Variants in TMEM38B observed in about 807,000 individuals in gnomAD.
TMEM38B encodes trimeric intracellular cation channel type B.
In TMEM38B, 24 loss-of-function variants were observed where a neutral mutation model predicts 28.7. The ratio of observed to expected loss-of-function variants is 0.84; its 90% CI spans 0.61 to 1.18. The LOEUF is 1.18. Ranked by LOEUF, TMEM38B falls within the 50% of genes most tolerant of loss-of-function variation. The pLI, the probability that TMEM38B is intolerant of heterozygous loss-of-function variation, is 0.00. For synonymous variants in TMEM38B, 131 were observed against 127.7 expected, an observed-to-expected ratio of 1.03 and a Z score of -0.17; for missense variants, 380 against 350.9, an observed-to-expected ratio of 1.08 and a Z score of -0.66.
intron 5 of TMEM38B, among the ~76,000 whole-genome samples, chr9:105,766,053 G>A (rs570667452): frequency 1.6e-4 from 25 of 152,152 alleles, no homozygotes; most frequent in South Asian, 1.5e-3. Context: ...CGCCTGCCTC[G>A]GCCTCCCAGT....
intron 4 of TMEM38B, among the ~76,000 whole-genome samples, chr9:105,731,373 G>A (rs1451546128): frequency 1.3e-5 from 2 of 151,826 alleles, no homozygotes; most frequent in Non-Finnish European, 2.9e-5. Flanking sequence ...TGTTACATAT[G>A]TATACATGTG....
chr9:105,719,526 TTG>T (rs1836244888), intron 2 of TMEM38B, among the ~76,000 whole-genome samples: 1 of 152,212 alleles, frequency 6.6e-6, no homozygotes, highest in African/African-American at 2.4e-5. Context: ...ATATGTTTAC[TTG>T]TAAGTCTACT....
intron 5 of TMEM38B, chr9:105,760,103 G>T: frequency 1.1e-6 from 1 of 917,414 alleles, no homozygotes; most frequent in Non-Finnish European, 1.8e-6. Flanking sequence ...CATTTAGAGA[G>T]GGTTGCCATC....
At chr9:105,769,785 T>G (rs1197936609) in intron 5 of TMEM38B, among the ~76,000 whole-genome samples, 1 of 152,234 alleles carries the variant, frequency 6.6e-6, no homozygotes, top group Non-Finnish European at 1.5e-5. Flanking sequence ...GTTTATTGTT[T>G]ATTGCAATTT....
chr9:105,694,814 C>A, intron 1 of TMEM38B, 42 bp downstream of exon 1: 1 of 876,686 alleles, frequency 1.1e-6, no homozygotes, highest in Non-Finnish European at 1.6e-6. Flanking sequence ...CAGAGTGCTC[C>A]TGACGGCGAG....
chr9:105,754,507 A>G, intron 5 of TMEM38B, among the ~76,000 whole-genome samples: 1 of 152,354 alleles, frequency 6.6e-6, no homozygotes, highest in East Asian at 1.9e-4. Flanking sequence ...TGGAAATTGA[A>G]CAACCTGCTC....
chr9:105,731,552 T>C lies in TMEM38B; in HGVS notation c.542+8931T>C, dbSNP rs574762120. On this transcript the variant is annotated intron_variant, in intron 4 of 5. Transcript: ENST00000374692. ...ACTTCCACTTATGAGTGAGAACATG[T>C]AGTGTTTGGTTTTCTGTCCTTGTGA... 3.1e-4 allele frequency among the ~76,000 whole-genome samples: 47 copies of C among 152,198 alleles called. No homozygotes were observed. In the East Asian group the frequency reaches 8.0e-3, roughly 26 times the overall value.
chr9:105,705,272 G>C (rs1396068339), intron 1 of TMEM38B, among the ~76,000 whole-genome samples: 2 of 152,106 alleles, frequency 1.3e-5, no homozygotes. Context: ...AGTGCTTACT[G>C]TAGGGTTTGG....
intron 5 of TMEM38B, among the ~76,000 whole-genome samples, chr9:105,764,160 G>A (rs1838171767): frequency 1.3e-5 from 2 of 150,934 alleles, no homozygotes; most frequent in African/African-American, 2.4e-5. Flanking sequence ...CATTCCCTTT[G>A]AAAACTGGCA....
At chr9:105,773,293 A>G (rs1254967042) in intron 5 of TMEM38B, among the ~76,000 whole-genome samples, 1 of 152,142 alleles carries the variant, frequency 6.6e-6, no homozygotes, top group African/African-American at 2.4e-5. Flanking sequence ...GGGACATTCT[A>G]CAATCTGTTG....
intron 5 of TMEM38B, among the ~76,000 whole-genome samples, chr9:105,763,701 A>G (rs190860358): frequency 0.012 from 1,790 of 152,316 alleles, 18 homozygotes; most frequent in Non-Finnish European, 0.021. Context: ...AATCAATAGA[A>G]AAAGAGGGAA....
At chr9:105,722,678 T>C (rs1588416835) in intron 4 of TMEM38B, 57 bp downstream of exon 4, 1 of 1,440,434 alleles carries the variant, frequency 6.9e-7, no homozygotes, top group East Asian at 2.3e-5. Context: ...TCTTACCAAA[T>C]TCCTTTTTAA....
At chr9:105,737,753 T>G (rs765453847) in intron 4 of TMEM38B, among the ~76,000 whole-genome samples, 11 of 152,102 alleles carry the variant, frequency 7.2e-5, no homozygotes, top group Non-Finnish European at 1.6e-4. Flanking sequence ...AGTGCACAGG[T>G]TCCCTGGGAA....
At chr9:105,722,754 G>GAAGA in intron 4 of TMEM38B, 133 bp downstream of exon 4, 1 of 623,682 alleles carries the variant, frequency 1.6e-6, no homozygotes, top group East Asian at 3.0e-5. Flanking sequence ...ATGATAATGG[G>GAAGA]AAGAGAACTA....
intron 5 of TMEM38B, among the ~76,000 whole-genome samples, chr9:105,765,353 C>G (rs1826335168): frequency 6.6e-6 from 1 of 152,130 alleles, no homozygotes; most frequent in Non-Finnish European, 1.5e-5. Flanking sequence ...GCATATTAAA[C>G]TATATTCATG....
At chr9:105,762,449 T>A (rs1838092893) in intron 5 of TMEM38B, among the ~76,000 whole-genome samples, 1 of 133,800 alleles carries the variant, frequency 7.5e-6, no homozygotes, top group African/African-American at 2.8e-5. Flanking sequence ...GATGTTCCCC[T>A]TCCTGTGTCC....
At chr9:105,703,497 G>A (rs935542705) in intron 1 of TMEM38B, among the ~76,000 whole-genome samples, 1 of 152,162 alleles carries the variant, frequency 6.6e-6, no homozygotes, top group Admixed American at 6.5e-5. Context: ...GAATAATGCC[G>A]CAATAAACAT....
At chr9:105,707,419 G>GT (rs564166194) in intron 2 of TMEM38B, among the ~76,000 whole-genome samples, 1 of 152,022 alleles carries the variant, frequency 6.6e-6, no homozygotes, top group African/African-American at 2.4e-5. Context: ...AAAAATTATA[G>GT]TTTTTTTAAT....
chr9:105,735,891 G>C (rs1191311860), intron 4 of TMEM38B, among the ~76,000 whole-genome samples: 1 of 152,076 alleles, frequency 6.6e-6, no homozygotes, highest in Non-Finnish European at 1.5e-5. Flanking sequence ...TTTAGAGACA[G>C]TGTCTTGCTC....
Sources: allele counts gnomAD v4.1 joint callset (sites outside exome capture counted in the v4.1 genomes callset), GRCh38; gene constraint gnomAD v4.1.1; transcripts MANE v1.5; gene names NCBI Gene and HGNC (gene_info 2026-07-23, HGNC 2026-07-21).